Variants in MEGF10 observed in about 807,000 individuals in gnomAD.
MEGF10 encodes the protein multiple epidermal growth factor-like domains protein 10.
Under a neutral mutation model 147.5 loss-of-function variants are expected in MEGF10, and 86 were observed. The ratio of observed to expected loss-of-function variants is 0.58; its 90% CI spans 0.49 to 0.70. The LOEUF (loss-of-function observed/expected upper bound fraction) is 0.70. Ranked by LOEUF, MEGF10 falls within the 30% of genes least tolerant of loss-of-function variation. The pLI is 0.00. For missense variants in MEGF10, 1,329 were observed against 1,487.3 expected (o/e 0.89, Z 1.75); for synonymous variants, 478 against 525.5 (o/e 0.91, Z 1.24).
At chr5:127,365,194 C>T (rs1343549582) in intron 4 of MEGF10, among the ~76,000 whole-genome samples, 5 of 152,150 alleles carry the variant, frequency 3.3e-5, no homozygotes, top group Non-Finnish European at 5.9e-5. Flanking sequence ...CTTTAAAAAA[C>T]TATTTTGATT....
intron 7 of MEGF10, among the ~76,000 whole-genome samples, chr5:127,399,808 T>C (rs920345002): frequency 6.6e-6 from 1 of 152,216 alleles, no homozygotes; most frequent in Non-Finnish European, 1.5e-5. Flanking sequence ...CATTACAGGA[T>C]TTTGTAGGTT....
At chr5:127,319,443 G>T (rs946233870) in intron 1 of MEGF10, among the ~76,000 whole-genome samples, 2 of 152,022 alleles carry the variant, frequency 1.3e-5, no homozygotes, top group Non-Finnish European at 2.9e-5. Context: ...TAGTGGACTC[G>T]TCTCTATGTC....
upstream of MEGF10, among the ~76,000 whole-genome samples, chr5:127,287,208 T>G (rs1314326988): frequency 6.6e-6 from 1 of 151,978 alleles, no homozygotes; most frequent in African/African-American, 2.4e-5. Context: ...GACAGATTGC[T>G]TTGGTTTATG....
intron 5 of MEGF10, among the ~76,000 whole-genome samples, chr5:127,379,064 C>CTTTTTTT (rs35798578): frequency 2.2e-4 from 27 of 121,428 alleles, no homozygotes; most frequent in Non-Finnish European, 2.8e-4. Flanking sequence ...ATTGATTTTT[C>CTTTTTTT]TTTTTTTTTT....
chr5:127,439,474 C>G (rs1266323805), intron 17 of MEGF10, among the ~76,000 whole-genome samples: 1 of 152,070 alleles, frequency 6.6e-6, no homozygotes, highest in African/African-American at 2.4e-5. Flanking sequence ...GTCTTAGAAA[C>G]TTTCTAGAAG....
the MEGF10 span, among the ~76,000 whole-genome samples, chr5:127,252,338 G>T: frequency 6.6e-6 from 1 of 151,684 alleles, no homozygotes. Context: ...TGGCAGGTTT[G>T]TTCATGATAG....
At chr5:127,297,424 A>G (rs1468726907) in intron 1 of MEGF10, among the ~76,000 whole-genome samples, 1 of 152,056 alleles carries the variant, frequency 6.6e-6, no homozygotes. Context: ...TACATCTACT[A>G]TGTACCCTCA....
At chr5:127,309,273 A>G (rs1002050778) in intron 1 of MEGF10, among the ~76,000 whole-genome samples, 3 of 152,254 alleles carry the variant, frequency 2.0e-5, no homozygotes, top group Admixed American at 6.5e-5. Flanking sequence ...ACTTTGTAAA[A>G]TATTGCGGTA....
At chr5:127,276,643 G>A in the MEGF10 span, among the ~76,000 whole-genome samples, 1 of 152,150 alleles carries the variant, frequency 6.6e-6, no homozygotes, top group Non-Finnish European at 1.5e-5. Context: ...TAAAACTTTT[G>A]TTTAAAATAT....
intron 12 of MEGF10, among the ~76,000 whole-genome samples, chr5:127,421,206 C>T (rs1177879086): frequency 2.0e-5 from 3 of 152,200 alleles, no homozygotes; most frequent in Non-Finnish European, 4.4e-5. Flanking sequence ...GGCACAATCT[C>T]GTCCTTTTTC....
chr5:127,354,114 G>A (rs149428783), intron 4 of MEGF10, among the ~76,000 whole-genome samples: 12 of 152,266 alleles, frequency 7.9e-5, no homozygotes, highest in South Asian at 2.1e-4. Flanking sequence ...AAACTGAACC[G>A]GCTGTGGGCA....
At chr5:127,441,548 T>C (rs1765757890) in intron 18 of MEGF10, among the ~76,000 whole-genome samples, 2 of 152,360 alleles carry the variant, frequency 1.3e-5, no homozygotes, top group East Asian at 3.9e-4. Flanking sequence ...CTTAATAAAA[T>C]TGAATATTGC....
intron 13 of MEGF10, among the ~76,000 whole-genome samples, chr5:127,428,811 C>T (rs1350207898): frequency 6.6e-6 from 1 of 152,218 alleles, no homozygotes; most frequent in African/African-American, 2.4e-5. Context: ...GAAAGAATGA[C>T]ACCCCAGATG....
intron 9 of MEGF10, among the ~76,000 whole-genome samples, chr5:127,414,577 T>C (rs1387220920): frequency 1.3e-5 from 2 of 152,226 alleles, no homozygotes; most frequent in African/African-American, 4.8e-5. Flanking sequence ...TTAGAGGAAA[T>C]CTTCCCCTTT....
chr5:127,338,575 A>G (rs1272593171), intron 2 of MEGF10, among the ~76,000 whole-genome samples: 2 of 152,130 alleles, frequency 1.3e-5, no homozygotes, highest in African/African-American at 2.4e-5. Context: ...ACTTTATAGT[A>G]TTTATTTAGT....
upstream of MEGF10, chr5:127,290,728 G>C (rs2127022946): frequency 6.5e-6 from 1 of 153,176 alleles, no homozygotes; most frequent in Middle Eastern, 3.4e-3. Flanking sequence ...AGCTGCAGCA[G>C]CGGCAACTGC....
At chr5:127,440,961 C>G (rs565743831) in intron 18 of MEGF10, 94 bp downstream of exon 18, 1 of 1,498,340 alleles carries the variant, frequency 6.7e-7, no homozygotes, top group Admixed American at 1.9e-5. Context: ...GAATTCACCA[C>G]TCCGAGGTTG....
the MEGF10 span, among the ~76,000 whole-genome samples, chr5:127,248,368 C>T: frequency 6.6e-6 from 1 of 151,808 alleles, no homozygotes; most frequent in Admixed American, 6.6e-5. Flanking sequence ...GAAAATATGA[C>T]CCATAACAAA....
rs756704626 is a variant in MEGF10, at chr5:127,396,687, G to A, written c.568G>A (p.Asp190Asn). 1.1e-5 allele frequency: 18 copies of A among 1,614,100 alleles called. No homozygotes were observed. In the Admixed American group the frequency reaches 1.3e-4, roughly 12 times the overall value. ...DRCEQGTYGN[D>N]CHQRCQCQNG... ...CTGTGAGCAGGGCACCTATGGTAACGACTGTCATCAGAGATGCCAGTGCCA... is the reference window on the plus strand; with the variant it reads ...CTGTGAGCAGGGCACCTATGGTAACAACTGTCATCAGAGATGCCAGTGCCA... The change falls in exon 6 of 25, where the codon GAC becomes AAC. Residue 190 changes from aspartate (D) to asparagine (N), a missense_variant. Transcript: ENST00000503335.
Sources: allele counts gnomAD v4.1 joint callset (sites outside exome capture counted in the v4.1 genomes callset), GRCh38; gene constraint gnomAD v4.1.1; transcripts MANE v1.5; gene names NCBI Gene and HGNC (gene_info 2026-07-23, HGNC 2026-07-21).